Variants in TET2 observed in about 807,000 individuals in gnomAD.
The protein encoded by TET2 is tet methylcytosine dioxygenase 2, also known as methylcytosine dioxygenase TET2.
Under a neutral mutation model 142.9 loss-of-function variants are expected in TET2, and 299 were observed. The observed-to-expected ratio is 2.09, with a 90% confidence interval of 1.90 to 2.30. The LOEUF (loss-of-function observed/expected upper bound fraction) is 2.30. TET2 is among the 30% of genes most tolerant of loss of function. The pLI, the probability that TET2 is intolerant of heterozygous loss-of-function variation, is 0.00. For missense variants in TET2, 2,418 were observed against 2,378.0 expected (o/e 1.02, Z -0.35); for synonymous variants, 819 against 849.0 (o/e 0.96, Z 0.61).
chr4:105,237,536 T>C (rs1729029183), intron 3 of TET2, 185 bp downstream of exon 3: 1 of 1,562,978 alleles, frequency 6.4e-7, no homozygotes, highest in Non-Finnish European at 8.6e-7. Context: ...GAAAGAGAAC[T>C]TCACTTACAT....
intron 2 of TET2, among the ~76,000 whole-genome samples, chr4:105,204,936 A>G (rs1156343152): frequency 1.3e-5 from 2 of 152,090 alleles, no homozygotes; most frequent in African/African-American, 4.8e-5. Flanking sequence ...TTATTAACTA[A>G]TTCTCTTATT....
intron 9 of TET2, among the ~76,000 whole-genome samples, chr4:105,271,285 A>T (rs2110303783): frequency 6.6e-6 from 1 of 152,292 alleles, no homozygotes; most frequent in South Asian, 2.1e-4. Context: ...ATCATCACTA[A>T]TCATGTACTC....
At chr4:105,247,629 T>C (rs1729642474) in intron 6 of TET2, among the ~76,000 whole-genome samples, 1 of 95,464 alleles carries the variant, frequency 1.0e-5, no homozygotes, top group Admixed American at 9.2e-5. Context: ...GCCGATTTCA[T>C]CTTGGTTCTT....
Position 105,276,004 on chromosome 4 carries a change from C to G in TET2, c.5494C>G (p.Leu1832Val). The change falls in exon 11 of 11, where the codon CTA becomes GTA. Residue 1832 changes from leucine (L) to valine (V), a missense_variant. Leu to Val is a conservative substitution (Grantham distance 32). Coordinates refer to ENST00000380013, the MANE Select transcript of TET2 (RefSeq NM_001127208.3). ...ANGQEKQPLA[L>V]VQGVASGAED... The stretch of plus-strand genomic sequence containing the variant: ...TGGTCAGGAAAAGCAGCCATTGGCA[C>G]TAGTCCAGGGTGTGGCTTCTGGTGC... The G allele has an allele frequency of 6.4e-7, 1 of 1,551,766 alleles. No homozygotes were observed. The highest frequency in any genetic ancestry group is 8.7e-7 in the Non-Finnish European group (1 of 1,147,010).
Position 105,234,028 on chromosome 4 carries a change from C to T in TET2, c.86C>T (p.Pro29Leu), listed in dbSNP as rs12498609. The T allele has an allele frequency of 3.1e-6, 5 of 1,613,998 alleles. No homozygotes were observed. The highest frequency in any genetic ancestry group is 4.2e-6 in the Non-Finnish European group (5 of 1,179,962). Residue 29 changes from proline (P) to leucine (L), a missense_variant, in exon 3 of 11, where the codon CCT becomes CTT. Pro to Leu is a moderately conservative substitution (Grantham distance 98, BLOSUM62 -3). Coordinates refer to ENST00000380013, the MANE Select transcript of TET2 (RefSeq NM_001127208.3). ...IPSPPICQTE[P>L]LATKLQNGSP... ...TCACCTCCCATTTGCCAGACAGAAC[C>T]TCTGGCTACAAAGCTCCAGAATGGA...
chr4:105,270,674 TTA>T (rs3055846), intron 9 of TET2, among the ~76,000 whole-genome samples: 18,677 of 149,116 alleles, frequency 0.13, 1,192 homozygotes, highest in Middle Eastern at 0.2. Flanking sequence ...TAGATACATG[TTA>T]TATATATATA....
In TET2 at chr4:105,164,975, CA is replaced by C. The variant is rs769056933; in HGVS notation, c.-193+17997del. Among the ~76,000 whole-genome samples the C allele has an allele frequency of 3.7e-4, 56 of 152,196 alleles. No homozygotes were observed. In the South Asian group the frequency reaches 0.011, roughly 31 times the overall value. On this transcript the variant is annotated intron_variant, in intron 1 of 10. Coordinates refer to ENST00000380013, the MANE Select transcript of TET2 (RefSeq NM_001127208.3). ...TGTCCATAGAAATATTAAATGATAG[CA>C]GGCATGATTTAAAAAGTACTAAGGA...
In TET2 at chr4:105,160,411, T is replaced by A. The variant is rs145038421; in HGVS notation, c.-193+13432T>A. ...GTATACTGGTGCTATGTATTAGCTG[T>A]AAGCAGACTGGTTTGAATATTTAAA... On this transcript the variant is annotated intron_variant, in intron 1 of 10. Transcript: ENST00000380013. Among the ~76,000 whole-genome samples, 791 of 152,370 alleles carry A rather than the reference T, an allele frequency of 5.2e-3. 24 individuals are homozygous for A. The highest frequency in any genetic ancestry group is 0.043 in the Admixed American group (654 of 15,310).
chr4:105,207,519 CTGCT>C (rs1239345474), intron 2 of TET2, among the ~76,000 whole-genome samples: 2 of 152,120 alleles, frequency 1.3e-5, no homozygotes, highest in East Asian at 3.9e-4. Context: ...AAAGCCCTTT[CTGCT>C]TGTTTTGGCT....
intron 5 of TET2, 35 bp from the exon 6 acceptor site, chr4:105,243,535 G>A (rs950837987): frequency 5.9e-6 from 9 of 1,537,088 alleles, no homozygotes; most frequent in Non-Finnish European, 5.3e-6. Context: ...TGGTTGGGGT[G>A]GGGGGTGTTT....
rs575447827 is a variant in TET2 at position 105,235,428 on chromosome 4, A to G, written c.1486A>G (p.Met496Val). 1.2e-5 allele frequency: 20 copies of G among 1,614,094 alleles called. No individual in the cohort carries two copies. Among genetic ancestry groups the G allele is most frequent in the African/African-American group, 6.7e-5 (5 of 74,938 alleles). Residue 496 changes from methionine (M) to valine (V), a missense_variant, in exon 3 of 11, where the codon ATG becomes GTG. By Grantham distance (21) the Met-to-Val change is conservative. Coordinates refer to ENST00000380013, the MANE Select transcript of TET2 (RefSeq NM_001127208.3). ...NRNDIQTAGT[M>V]TVPLCSEKTR... Reference sequence around the variant, plus strand: ...GAATGACATACAGACTGCAGGGACAATGACTGTTCCATTGTGTTCTGAGAA... The same window carrying G: ...GAATGACATACAGACTGCAGGGACAGTGACTGTTCCATTGTGTTCTGAGAA...
intron 1 of TET2, among the ~76,000 whole-genome samples, chr4:105,174,543 A>G (rs1046524677): frequency 6.6e-6 from 1 of 152,222 alleles, no homozygotes; most frequent in African/African-American, 2.4e-5. Flanking sequence ...AGAAAGAATC[A>G]CAACTTAGTG....
chr4:105,176,863 G>C (rs1408571105), intron 1 of TET2, among the ~76,000 whole-genome samples: 1 of 152,158 alleles, frequency 6.6e-6, no homozygotes, highest in African/African-American at 2.4e-5. Context: ...TGGCTTTAAA[G>C]CTTACTATAA....
At chr4:105,157,033 C>T (rs1205600551) in intron 1 of TET2, among the ~76,000 whole-genome samples, 1 of 152,008 alleles carries the variant, frequency 6.6e-6, no homozygotes, top group Non-Finnish European at 1.5e-5. Context: ...CTTTGAGCAC[C>T]CTGTAATTAA....
At chr4:105,260,379 T>C (rs940430135) in intron 7 of TET2, among the ~76,000 whole-genome samples, 1 of 152,134 alleles carries the variant, frequency 6.6e-6, no homozygotes, top group African/African-American at 2.4e-5. Flanking sequence ...TAGATACTTC[T>C]TGACTTATGA....
chr4:105,190,407 T>C lies in TET2; in HGVS notation c.-145T>C. 1 of 697,262 alleles carries C rather than the reference T, an allele frequency of 1.4e-6. No individual in the cohort carries two copies. 43.2% of individuals were successfully genotyped at this position (697,262 alleles called of 1,614,324 possible). On this transcript the variant is annotated 5_prime_UTR_variant, in exon 2 of 11. Transcript: ENST00000380013. ...ACCCTCTCAAGATTGTTTACTTGCC[T>C]TTGCTCCTGTTGAGTTACAACGCTT...
At chr4:105,207,834 G>T (rs557390240) in intron 2 of TET2, among the ~76,000 whole-genome samples, 26 of 152,232 alleles carry the variant, frequency 1.7e-4, no homozygotes, top group African/African-American at 5.5e-4. Context: ...TGATTGATAG[G>T]TTATTTTTTA....
intron 2 of TET2, among the ~76,000 whole-genome samples, chr4:105,227,348 G>T (rs1471142625): frequency 1.3e-5 from 2 of 152,160 alleles, no homozygotes; most frequent in Non-Finnish European, 2.9e-5. Flanking sequence ...TGATTGGCCA[G>T]CATCCTCTTA....
intron 1 of TET2, among the ~76,000 whole-genome samples, chr4:105,175,470 G>A (rs1724730333): frequency 1.3e-5 from 2 of 152,018 alleles, no homozygotes; most frequent in Non-Finnish European, 2.9e-5. Flanking sequence ...ATTGAACATA[G>A]CCGAGGAAAA....
Sources: allele counts gnomAD v4.1 joint callset (sites outside exome capture counted in the v4.1 genomes callset), GRCh38; gene constraint gnomAD v4.1.1; transcripts MANE v1.5; gene names NCBI Gene and HGNC (gene_info 2026-07-23, HGNC 2026-07-21).